LRRC7: variants seen among roughly 807,000 people sequenced by gnomAD.
LRRC7 encodes leucine-rich repeat-containing protein 7.
Under a neutral mutation model 175.7 loss-of-function variants are expected in LRRC7, and 23 were observed. That is an observed-to-expected ratio of 0.13 (90% CI 0.09 to 0.19). LRRC7 has a LOEUF of 0.19. LRRC7 is among the 10% of genes least tolerant of loss of function. The pLI, the probability that LRRC7 is intolerant of heterozygous loss-of-function variation, is 1.00. For synonymous variants in LRRC7, 685 were observed against 680.9 expected (o/e 1.01, Z -0.09); for missense variants, 1,354 against 1,904.7 (o/e 0.71, Z 5.38).
chr1:69,672,617 C>G (rs936217454), intron 1 of LRRC7, among the ~76,000 whole-genome samples: 1 of 152,114 alleles, frequency 6.6e-6, no homozygotes, highest in African/African-American at 2.4e-5. Context: ...ATATTTGAAA[C>G]CTTTATTCTA....
At chr1:69,681,026 T>C (rs1660424107) in intron 2 of LRRC7, among the ~76,000 whole-genome samples, 1 of 152,134 alleles carries the variant, frequency 6.6e-6, no homozygotes. Flanking sequence ...AATAAGGCAT[T>C]TTTTGAGATC....
At chr1:69,764,717 G>A (rs967058392) in intron 3 of LRRC7, among the ~76,000 whole-genome samples, 1 of 122,406 alleles carries the variant, frequency 8.2e-6, no homozygotes, top group African/African-American at 3.2e-5. Flanking sequence ...AGATAGGTAG[G>A]TAGATAGATA....
rs1667060678 is a variant in LRRC7, at chr1:70,141,513, C to A, written c.*19626C>A. ...CTAGAAACAAGCAGGAACTGTTTGT[C>A]AGAAATTAAACAGGACTTATTTGAA... is the stretch of plus-strand genomic sequence containing the variant. On this transcript the variant is annotated 3_prime_UTR_variant, in exon 27 of 27. Coordinates refer to ENST00000651989, the MANE Select transcript of LRRC7 (RefSeq NM_001370785.2). The A allele has an allele frequency of 6.6e-6, 1 of 151,576 alleles. No individual in the cohort carries two copies. The highest frequency in any genetic ancestry group is 1.5e-5 in the Non-Finnish European group (1 of 67,884). 9.4% of individuals were successfully genotyped at this position (151,576 alleles called of 1,614,324 possible).
chr1:69,928,788 G>A (rs536300953), intron 7 of LRRC7, among the ~76,000 whole-genome samples: 23 of 152,288 alleles, frequency 1.5e-4, no homozygotes, highest in African/African-American at 5.1e-4. Context: ...GCCCTGCTTC[G>A]GCTCGTGCAC....
intron 25 of LRRC7, among the ~76,000 whole-genome samples, chr1:70,097,446 G>C (rs543033952): frequency 6.6e-6 from 1 of 152,212 alleles, no homozygotes; most frequent in South Asian, 2.1e-4. Flanking sequence ...AAGTTTCACT[G>C]AATTTTTCTT....
intron 3 of LRRC7, among the ~76,000 whole-genome samples, chr1:69,776,722 T>G (rs1483922390): frequency 6.6e-6 from 1 of 151,958 alleles, no homozygotes; most frequent in Non-Finnish European, 1.5e-5. Context: ...TGTGGGTGTG[T>G]GTGTGGGTGG....
intron 22 of LRRC7, among the ~76,000 whole-genome samples, chr1:70,050,138 T>C (rs776966457): frequency 1.3e-5 from 2 of 152,080 alleles, no homozygotes; most frequent in African/African-American, 2.4e-5. Flanking sequence ...AGAACACACA[T>C]GCATGCACTT....
chr1:69,985,852 T>C (rs1268774789), intron 9 of LRRC7, among the ~76,000 whole-genome samples: 2 of 152,262 alleles, frequency 1.3e-5, no homozygotes, highest in Non-Finnish European at 2.9e-5. Flanking sequence ...ATTATATGTA[T>C]ATGCCACATT....
Position 70,128,109 on chromosome 1 carries a change from G to A in LRRC7, c.*6222G>A, listed in dbSNP as rs184252747. On this transcript the variant is annotated 3_prime_UTR_variant, in exon 27 of 27. Transcript: ENST00000651989. Reference sequence around the variant, plus strand: ...CCTGAGTAGCTGGGATTACAGGTGCGTGCCACCACACTGGGCTAATTTTTG... The same window carrying A: ...CCTGAGTAGCTGGGATTACAGGTGCATGCCACCACACTGGGCTAATTTTTG... Among the ~76,000 whole-genome samples the A allele has an allele frequency of 6.6e-5, 10 of 152,052 alleles. No homozygotes were observed. The highest frequency in any genetic ancestry group is 5.8e-4 in the East Asian group (3 of 5,172).
intron 7 of LRRC7, among the ~76,000 whole-genome samples, chr1:69,864,431 T>C (rs181317595): frequency 6.6e-6 from 1 of 152,328 alleles, no homozygotes; most frequent in East Asian, 1.9e-4. Flanking sequence ...GCTTCAAACA[T>C]GTACTATTAA....
rs942853027 is a variant in LRRC7 at position 69,855,291 on chromosome 1, C to T, written c.647+17008C>T. On this transcript the variant is annotated intron_variant, in intron 7 of 26. Coordinates refer to ENST00000651989, the MANE Select transcript of LRRC7 (RefSeq NM_001370785.2). ...GCTATAAATTTCCCTCTACACACTG[C>T]TTTAAATGTGTCCCAGAGATTGTGG... Among the ~76,000 whole-genome samples the T allele has an allele frequency of 5.9e-5, 9 of 152,134 alleles. No homozygotes were observed. The South Asian group carries it at 6.2e-4, about 10-fold the overall frequency.
intron 22 of LRRC7, among the ~76,000 whole-genome samples, chr1:70,050,920 A>G (rs553830884): frequency 6.6e-6 from 1 of 152,076 alleles, no homozygotes; most frequent in Non-Finnish European, 1.5e-5. Flanking sequence ...CTTAAAAGGA[A>G]ATTGCTTTCA....
At chr1:69,888,488 G>A (rs147978780) in intron 7 of LRRC7, among the ~76,000 whole-genome samples, 1,960 of 152,142 alleles carry the variant, frequency 0.013, 35 homozygotes, top group African/African-American at 0.044. Flanking sequence ...CGCACGGTGC[G>A]CGCACCCACT....
At chr1:69,973,871 C>T (rs1005049813) in intron 8 of LRRC7, among the ~76,000 whole-genome samples, 3 of 152,182 alleles carry the variant, frequency 2.0e-5, no homozygotes, top group African/African-American at 7.2e-5. Context: ...CAGGCATGAA[C>T]CTCCATGCCC....
intron 23 of LRRC7, among the ~76,000 whole-genome samples, chr1:70,059,011 T>C (rs540986372): frequency 4.6e-5 from 7 of 152,280 alleles, no homozygotes; most frequent in South Asian, 2.1e-4. Context: ...CAGAAAAACA[T>C]TGCAGCCAAA....
At chr1:69,774,117 A>G (rs933270373) in intron 3 of LRRC7, among the ~76,000 whole-genome samples, 1 of 152,186 alleles carries the variant, frequency 6.6e-6, no homozygotes, top group South Asian at 2.1e-4. Context: ...GAAGGGAGGC[A>G]TAGAATCCAG....
chr1:69,957,708 C>T (rs1391014979), intron 8 of LRRC7, among the ~76,000 whole-genome samples: 10 of 151,838 alleles, frequency 6.6e-5, no homozygotes, highest in African/African-American at 1.4e-4. Context: ...TTATTGCCAA[C>T]ATTTTTTGCA....
intron 1 of LRRC7, among the ~76,000 whole-genome samples, chr1:69,660,048 A>AT (rs1160179395): frequency 2.6e-5 from 4 of 151,734 alleles, no homozygotes; most frequent in East Asian, 1.9e-4. Flanking sequence ...TCACAACCAT[A>AT]TTTTTTTTCA....
intron 7 of LRRC7, among the ~76,000 whole-genome samples, chr1:69,840,368 A>C (rs1186922305): frequency 6.6e-6 from 1 of 152,072 alleles, no homozygotes; most frequent in African/African-American, 2.4e-5. Flanking sequence ...TTGCACTCCC[A>C]ATAAAAATAA....
Sources: allele counts gnomAD v4.1 joint callset (sites outside exome capture counted in the v4.1 genomes callset), GRCh38; gene constraint gnomAD v4.1.1; transcripts MANE v1.5; gene names NCBI Gene and HGNC (gene_info 2026-07-23, HGNC 2026-07-21).